NT5DC1: variants seen among roughly 807,000 people sequenced by gnomAD.
NT5DC1 encodes the protein 5'-nucleotidase domain containing 1, also known as 5'-nucleotidase domain-containing protein 1.
In NT5DC1, 42 loss-of-function variants were observed where a neutral mutation model predicts 59.4. The ratio of observed to expected loss-of-function variants is 0.71; its 90% CI spans 0.55 to 0.92. The LOEUF is 0.92. Among genes scored for constraint, NT5DC1 ranks in the 40% least tolerant of loss-of-function variants. NT5DC1 has a pLI of 0.00. For synonymous variants in NT5DC1, 172 were observed against 188.1 expected (o/e 0.91, Z 0.70); for missense variants, 501 against 537.1 (o/e 0.93, Z 0.66).
Position 116,236,973 on chromosome 6 carries a change from TGAG to T in NT5DC1, c.814_816del (p.Glu272del). On this transcript the variant is annotated inframe_deletion, in exon 9 of 12. Coordinates refer to ENST00000319550, the MANE Select transcript of NT5DC1 (RefSeq NM_152729.3). ...GTCAAACTGTATTTTCAGAGAATGA[TGAG>T]GAGCAGGAGGCACTGCCATCTCTGG... 1 of 1,589,560 alleles carries T rather than the reference TGAG, an allele frequency of 6.3e-7. No individual in the cohort carries two copies. Among genetic ancestry groups the T allele is most frequent in the East Asian group, 2.2e-5 (1 of 44,738 alleles).
At chr6:116,155,215 A>G (rs1020103928) in intron 6 of NT5DC1, among the ~76,000 whole-genome samples, 1 of 152,194 alleles carries the variant, frequency 6.6e-6, no homozygotes. Context: ...GCTTATAAGC[A>G]TTGTTAGACA....
intron 6 of NT5DC1, chr6:116,121,637 TGTC>T: frequency 6.2e-7 from 1 of 1,613,920 alleles, no homozygotes; most frequent in Non-Finnish European, 8.5e-7. Context: ...GGGTCCCTGT[TGTC>T]CAGGTTTTCC....
At chr6:116,226,040 A>G (rs1781902628) in intron 8 of NT5DC1, among the ~76,000 whole-genome samples, 3 of 152,216 alleles carry the variant, frequency 2.0e-5, no homozygotes, top group Admixed American at 2.0e-4. Flanking sequence ...TGCCAAGGCT[A>G]AGAAACCCTA....
intron 4 of NT5DC1, 55 bp downstream of exon 4, chr6:116,111,011 A>G (rs1778865312): frequency 8.1e-7 from 1 of 1,228,828 alleles, no homozygotes; most frequent in Admixed American, 1.8e-5. Context: ...TTTGTACCCT[A>G]AACCTTTGAT....
At chr6:116,107,646 C>T (rs1283859328) in intron 2 of NT5DC1, among the ~76,000 whole-genome samples, 4 of 151,632 alleles carry the variant, frequency 2.6e-5, no homozygotes, top group Non-Finnish European at 4.4e-5. Flanking sequence ...GATCTCGGCT[C>T]ACTGCAAGCT....
At chr6:116,238,898 T>A in intron 10 of NT5DC1, 57 bp from the exon 11 acceptor site, 2 of 1,120,746 alleles carry the variant, frequency 1.8e-6, no homozygotes, top group Non-Finnish European at 2.6e-6. Context: ...GACAAAAAAA[T>A]TATGAGATTG....
At position 116,244,590 on chromosome 6, in the gene NT5DC1, G is replaced by A; in HGVS notation, c.*566G>A. ...TGTTATCTTTTGTTATCTTTTATAT[G>A]CCCTAGGAAAGTACAACCAGAATTG... On this transcript the variant is annotated 3_prime_UTR_variant, in exon 12 of 12. Coordinates refer to ENST00000319550, the MANE Select transcript of NT5DC1 (RefSeq NM_152729.3). The A allele has an allele frequency of 6.6e-6, 1 of 152,152 alleles. No individual in the cohort carries two copies. The highest frequency in any genetic ancestry group is 3.2e-3 in the Middle Eastern group (1 of 316). 9.4% of individuals were successfully genotyped at this position (152,152 alleles called of 1,614,324 possible).
chr6:116,243,981 C>G lies in NT5DC1; in HGVS notation c.1325C>G (p.Pro442Arg). The part of the protein sequence containing the change: ...NSKTAGYYPN[P>R]PLVLSSDETL... ...AAAACAGCTGGCTACTATCCAAATCCTCCACTGGTCTTATCAAGTGATGAG... is the reference window on the plus strand; with the variant it reads ...AAAACAGCTGGCTACTATCCAAATCGTCCACTGGTCTTATCAAGTGATGAG... The change falls in exon 12 of 12, where the codon CCT becomes CGT. Residue 442 changes from proline (P) to arginine (R), a missense_variant. By Grantham distance (103) the Pro-to-Arg change is moderately radical. Coordinates refer to ENST00000319550, the MANE Select transcript of NT5DC1 (RefSeq NM_152729.3). 1 of 1,557,378 alleles carries G rather than the reference C, an allele frequency of 6.4e-7. No homozygotes were observed. The highest frequency in any genetic ancestry group is 1.1e-5 in the South Asian group (1 of 88,012).
chr6:116,184,838 GTTATA>G (rs1176444225), intron 6 of NT5DC1, among the ~76,000 whole-genome samples: 2 of 151,842 alleles, frequency 1.3e-5, no homozygotes, highest in African/African-American at 2.4e-5. Flanking sequence ...CCAGCTTTTT[GTTATA>G]TTATGTTTTG....
rs1347796718 is a variant in NT5DC1, at chr6:116,100,855, T to C, written c.-76T>C. ...CGCCCCGCCGCGTCCGGCCCGGTCC[T>C]GTCCCGCAGCGTCCCGCCAGCCAGC... On this transcript the variant is annotated 5_prime_UTR_variant, in exon 1 of 12. Transcript: ENST00000319550. The C allele has an allele frequency of 5.1e-6, 6 of 1,172,796 alleles. No homozygotes were observed. The Admixed American group carries it at 9.7e-5, about 19-fold the overall frequency. 72.6% of individuals were successfully genotyped at this position (1,172,796 alleles called of 1,614,324 possible).
intron 6 of NT5DC1, chr6:116,120,130 T>C (rs373702256): frequency 1.2e-6 from 2 of 1,614,128 alleles, no homozygotes; most frequent in Non-Finnish European, 8.5e-7. Flanking sequence ...CAGAGGAGTA[T>C]AGGCCATTTG....
chr6:116,117,830 GTGTT>G, intron 5 of NT5DC1, 27 bp from the exon 6 acceptor site: 1 of 1,239,486 alleles, frequency 8.1e-7, no homozygotes, highest in South Asian at 1.2e-5. Flanking sequence ...CTGAATTATT[GTGTT>G]TGTTTCATTT....
At chr6:116,236,116 G>C (rs1212780528) in intron 8 of NT5DC1, among the ~76,000 whole-genome samples, 1 of 152,126 alleles carries the variant, frequency 6.6e-6, no homozygotes, top group Non-Finnish European at 1.5e-5. Flanking sequence ...AAAGTGGGGG[G>C]AATAAACCTT....
intron 6 of NT5DC1, among the ~76,000 whole-genome samples, chr6:116,174,805 G>T (rs1371157235): frequency 6.6e-6 from 1 of 152,024 alleles, no homozygotes; most frequent in Non-Finnish European, 1.5e-5. Flanking sequence ...CAATCCACTG[G>T]TACCATAAAG....
At chr6:116,135,785 A>C (rs1779575514) in intron 6 of NT5DC1, among the ~76,000 whole-genome samples, 1 of 147,776 alleles carries the variant, frequency 6.8e-6, no homozygotes, top group South Asian at 2.1e-4. Context: ...ATTGAGTTAT[A>C]AGTGATAAAT....
chr6:116,204,779 T>C (rs960320633), intron 6 of NT5DC1, among the ~76,000 whole-genome samples: 1 of 152,012 alleles, frequency 6.6e-6, no homozygotes, highest in African/African-American at 2.4e-5. Context: ...GTAAGGTCTA[T>C]GAGAGAAAAA....
chr6:116,115,768 A>G lies in NT5DC1; in HGVS notation c.442A>G (p.Lys148Glu). 6.5e-7 allele frequency: 1 copy of G among 1,529,826 alleles called. No individual in the cohort carries two copies. The highest frequency in any genetic ancestry group is 1.1e-5 in the South Asian group (1 of 89,224). 94.8% of individuals were successfully genotyped at this position (1,529,826 alleles called of 1,614,324 possible). ...LCARVVDYLT[K>E]LNNGQKTFDF... ...TGCCAGGGTGGTGGACTATTTAACAAAAGTAAGTGGGGACTCATTTTTTAA... is the reference window on the plus strand; with the variant it reads ...TGCCAGGGTGGTGGACTATTTAACAGAAGTAAGTGGGGACTCATTTTTTAA... The change falls in exon 5 of 12, where the codon AAA becomes GAA. Residue 148 changes from lysine to glutamate, a missense_variant and splice_region_variant. By Grantham distance (56) the Lys-to-Glu change is moderately conservative. Transcript: ENST00000319550.
At chr6:116,199,808 C>A (rs1781308061) in intron 6 of NT5DC1, among the ~76,000 whole-genome samples, 1 of 151,902 alleles carries the variant, frequency 6.6e-6, no homozygotes. Context: ...ATAAAATAAC[C>A]ATCAATGAGT....
At chr6:116,175,083 T>G (rs1780702094) in intron 6 of NT5DC1, among the ~76,000 whole-genome samples, 1 of 152,156 alleles carries the variant, frequency 6.6e-6, no homozygotes, top group African/African-American at 2.4e-5. Flanking sequence ...CTTCAGAAAT[T>G]TAATTTTCTT....
Sources: allele counts gnomAD v4.1 joint callset (sites outside exome capture counted in the v4.1 genomes callset), GRCh38; gene constraint gnomAD v4.1.1; transcripts MANE v1.5; gene names NCBI Gene and HGNC (gene_info 2026-07-23, HGNC 2026-07-21).